PUS10: variants seen among roughly 807,000 people sequenced by gnomAD.
The protein encoded by PUS10 is pseudouridine synthase 10.
A neutral mutation model predicts 75.0 loss-of-function variants in PUS10; 59 were observed. The observed-to-expected ratio is 0.79, with a 90% CI of 0.64 to 0.98. The LOEUF is 0.98. PUS10 is among the 50% of genes least tolerant of loss of function. The probability of loss-of-function intolerance (pLI) is 0.00; values close to 1 mark genes in which losing one functional copy is unlikely to be tolerated. For missense variants in PUS10, 650 were observed against 614.4 expected (o/e 1.06, Z -0.61); for synonymous variants, 219 against 211.6 (o/e 1.03, Z -0.30).
intron 16 of PUS10, among the ~76,000 whole-genome samples, chr2:60,946,718 G>A (rs1674963476): frequency 6.6e-6 from 1 of 152,118 alleles, no homozygotes; most frequent in African/African-American, 2.4e-5. Flanking sequence ...GGTGGGGCAG[G>A]GGAAGAAGTG....
chr2:60,972,401 C>T (rs1676746083), intron 4 of PUS10, among the ~76,000 whole-genome samples: 1 of 151,354 alleles, frequency 6.6e-6, no homozygotes, highest in Non-Finnish European at 1.5e-5. Context: ...ACCCGGGAGG[C>T]GGAGCTTGCA....
At chr2:60,948,758 T>A (rs1002051734) in intron 15 of PUS10, among the ~76,000 whole-genome samples, 2 of 152,226 alleles carry the variant, frequency 1.3e-5, no homozygotes, top group African/African-American at 4.8e-5. Flanking sequence ...GCATGTCTTT[T>A]TACATTTCAG....
chr2:61,012,916 A>G (rs371102476), intron 1 of PUS10, among the ~76,000 whole-genome samples: 1 of 142,612 alleles, frequency 7.0e-6, no homozygotes, highest in Non-Finnish European at 1.5e-5. Context: ...CTATTACTCA[A>G]ATTTTCCCTC....
chr2:60,945,457 T>A (rs1674887219), intron 16 of PUS10, among the ~76,000 whole-genome samples: 2 of 152,228 alleles, frequency 1.3e-5, no homozygotes, highest in African/African-American at 4.8e-5. Flanking sequence ...TCTATGTTAT[T>A]ATCTTGTTAG....
At chr2:61,001,044 A>G (rs773821249) in intron 4 of PUS10, among the ~76,000 whole-genome samples, 1 of 152,090 alleles carries the variant, frequency 6.6e-6, no homozygotes, top group Non-Finnish European at 1.5e-5. Context: ...CAGGAAGATC[A>G]TTTTCCTCGA....
chr2:60,962,929 T>G, intron 8 of PUS10, 39 bp from the exon 9 acceptor site: 1 of 1,514,628 alleles, frequency 6.6e-7, no homozygotes, highest in African/African-American at 1.5e-5. Flanking sequence ...CATTTTATTA[T>G]CCAGACAAGA....
chr2:60,954,624 T>C (rs952827399), intron 12 of PUS10, among the ~76,000 whole-genome samples: 1 of 152,168 alleles, frequency 6.6e-6, no homozygotes, highest in African/African-American at 2.4e-5. Flanking sequence ...TAGGGTAAAA[T>C]GAGAGACATG....
intron 4 of PUS10, among the ~76,000 whole-genome samples, chr2:60,982,099 A>C (rs1677430247): frequency 6.6e-6 from 1 of 151,866 alleles, no homozygotes; most frequent in Non-Finnish European, 1.5e-5. Flanking sequence ...ATAATAAAAA[A>C]ATAAAGAGGC....
At chr2:60,989,030 T>C (rs9309332) in intron 4 of PUS10, among the ~76,000 whole-genome samples, 72,090 of 151,784 alleles carry the variant, frequency 0.47, 18,024 homozygotes, top group Middle Eastern at 0.54. Flanking sequence ...ACAGTAGGAG[T>C]GCAGGGAATA....
In PUS10 at chr2:60,969,376, C is replaced by G. The variant is rs533469776; in HGVS notation, c.504-1763G>C. On this transcript the variant is annotated intron_variant, in intron 5 of 17. Coordinates refer to ENST00000316752, the MANE Select transcript of PUS10 (RefSeq NM_144709.4). ...AATGCAGCTAATAAGTTTCCTAATA[C>G]AATTTGGGCTAAATATCTTCACAGA... Among the ~76,000 whole-genome samples the G allele has an allele frequency of 8.5e-5, 13 of 152,316 alleles. No individual in the cohort carries two copies. In the South Asian group the frequency reaches 1.4e-3, roughly 17 times the overall value.
At chr2:61,007,359 G>A (rs569600330) in intron 3 of PUS10, among the ~76,000 whole-genome samples, 1 of 152,254 alleles carries the variant, frequency 6.6e-6, no homozygotes, top group African/African-American at 2.4e-5. Context: ...CTACTTGGGA[G>A]GCTAAGGCGT....
At chr2:60,954,271 A>C in intron 12 of PUS10, 113 bp from the exon 13 acceptor site, 1 of 877,854 alleles carries the variant, frequency 1.1e-6, no homozygotes, top group Non-Finnish European at 1.8e-6. Flanking sequence ...GAGGACTGAA[A>C]GTTTAGTGAC....
chr2:60,972,174 T>G (rs1676722769), intron 4 of PUS10, among the ~76,000 whole-genome samples: 1 of 135,750 alleles, frequency 7.4e-6, no homozygotes, highest in South Asian at 2.7e-4. Context: ...CAGCCCGCAT[T>G]TAATCTGGGC....
chr2:60,981,196 A>C (rs969096660), intron 4 of PUS10, among the ~76,000 whole-genome samples: 1 of 151,868 alleles, frequency 6.6e-6, no homozygotes, highest in African/African-American at 2.4e-5. Context: ...CCAAGCCTAC[A>C]TTCTTAAGTT....
chr2:60,975,143 G>T (rs1164781175), intron 4 of PUS10, among the ~76,000 whole-genome samples: 1 of 152,088 alleles, frequency 6.6e-6, no homozygotes, highest in Non-Finnish European at 1.5e-5. Context: ...ATAGTATCAT[G>T]GTTCTGTTTG....
chr2:60,952,639 T>C (rs1397206312), intron 15 of PUS10, among the ~76,000 whole-genome samples: 1 of 152,258 alleles, frequency 6.6e-6, no homozygotes, highest in Non-Finnish European at 1.5e-5. Flanking sequence ...CTAAGTGCTT[T>C]ATCTAATTAA....
intron 4 of PUS10, among the ~76,000 whole-genome samples, chr2:60,988,439 G>C (rs978968213): frequency 6.6e-6 from 1 of 151,932 alleles, no homozygotes; most frequent in Non-Finnish European, 1.5e-5. Context: ...GTGTAAGAAA[G>C]TATTTCTGAT....
At chr2:61,006,264 C>T (rs904041022) in intron 4 of PUS10, among the ~76,000 whole-genome samples, 2 of 152,150 alleles carry the variant, frequency 1.3e-5, no homozygotes, top group African/African-American at 4.8e-5. Context: ...CTTTCTCTGA[C>T]CATCATGCCT....
At chr2:60,975,694 T>TCTCCTAAAA (rs1262468971) in intron 4 of PUS10, among the ~76,000 whole-genome samples, 2 of 150,300 alleles carry the variant, frequency 1.3e-5, no homozygotes, top group Admixed American at 6.6e-5. Flanking sequence ...AGAATAATGG[T>TCTCCTAAAA]CTCCTAAAAC....
Sources: allele counts gnomAD v4.1 joint callset (sites outside exome capture counted in the v4.1 genomes callset), GRCh38; gene constraint gnomAD v4.1.1; transcripts MANE v1.5; gene names NCBI Gene and HGNC (gene_info 2026-07-23, HGNC 2026-07-21).